WWOX: variants seen among roughly 807,000 people sequenced by gnomAD.
The protein encoded by WWOX is WW domain containing oxidoreductase, also known as WW domain-containing oxidoreductase.
WWOX carries 69 observed loss-of-function variants against 46.2 expected under a neutral mutation model. The ratio of observed to expected loss-of-function variants is 1.49; its 90% confidence interval spans 1.23 to 1.82. The LOEUF (loss-of-function observed/expected upper bound fraction) is 1.82. Among genes scored for constraint, WWOX ranks in the 40% most tolerant of loss-of-function variants. The pLI, the probability that WWOX is intolerant of heterozygous loss-of-function variation, is 0.00. For missense variants in WWOX, 919 were observed against 542.6 expected, an observed-to-expected ratio of 1.69 and a Z score of -6.89; for synonymous variants, 359 against 202.6, an observed-to-expected ratio of 1.77 and a Z score of -6.56.
intron 8 of WWOX, among the ~76,000 whole-genome samples, chr16:78,462,946 C>G (rs2083987294): frequency 6.6e-6 from 1 of 152,218 alleles, no homozygotes; most frequent in Non-Finnish European, 1.5e-5. Context: ...CCTTTTCCCA[C>G]CACCGTGGGA....
At chr16:79,100,021 GTTC>G (rs2049159333) in intron 8 of WWOX, among the ~76,000 whole-genome samples, 1 of 152,172 alleles carries the variant, frequency 6.6e-6, no homozygotes, top group South Asian at 2.1e-4. Flanking sequence ...AAAAGAAACA[GTTC>G]TTCTCTTAAA....
intron 8 of WWOX, among the ~76,000 whole-genome samples, chr16:78,755,963 C>G (rs192879894): frequency 3.1e-3 from 478 of 152,274 alleles, no homozygotes; most frequent in African/African-American, 0.01. Flanking sequence ...TCTGGCAAAT[C>G]AGAGGCCTGT....
chr16:78,633,438 A>G (rs895845253), intron 8 of WWOX, among the ~76,000 whole-genome samples: 2 of 152,102 alleles, frequency 1.3e-5, no homozygotes, highest in African/African-American at 4.8e-5. Flanking sequence ...TGAGCAGGTG[A>G]TACTGCATTT....
chr16:78,654,204 G>A (rs991775754), intron 8 of WWOX, among the ~76,000 whole-genome samples: 3 of 151,422 alleles, frequency 2.0e-5, no homozygotes, highest in South Asian at 2.1e-4. Context: ...CTGGGTGGGC[G>A]ATTTGAATAG....
chr16:78,816,397 A>C lies in WWOX; in HGVS notation c.1056+383645A>C, dbSNP rs113391395. ...TCTTCAGTATTTGTGCTTTTAATAG[A>C]TATTGCAAGTGTGTTTAATGTGAAA... On this transcript the variant is annotated intron_variant, in intron 8 of 8. Coordinates refer to ENST00000566780, the MANE Select transcript of WWOX (RefSeq NM_016373.4). Among the ~76,000 whole-genome samples the C allele has an allele frequency of 6.6e-5, 10 of 151,332 alleles. 1 individual carries two copies. The highest frequency in any genetic ancestry group is 2.4e-4 in the African/African-American group (10 of 41,258).
chr16:79,173,427 C>G (rs936575496), intron 8 of WWOX, among the ~76,000 whole-genome samples: 4 of 152,090 alleles, frequency 2.6e-5, no homozygotes, highest in African/African-American at 9.7e-5. Flanking sequence ...CGTGCATGAC[C>G]CAAGTGAGCA....
At chr16:78,978,543 A>T (rs2046617399) in intron 8 of WWOX, among the ~76,000 whole-genome samples, 1 of 152,194 alleles carries the variant, frequency 6.6e-6, no homozygotes, top group South Asian at 2.1e-4. Flanking sequence ...GAGACTGGGT[A>T]ATGGCTGAAG....
At chr16:78,709,601 C>T (rs150577157) in intron 8 of WWOX, among the ~76,000 whole-genome samples, 3,473 of 152,226 alleles carry the variant, frequency 0.023, 44 homozygotes, top group Middle Eastern at 0.065. Flanking sequence ...TTCAGGTGAG[C>T]GTGCTGTGGG....
intron 8 of WWOX, among the ~76,000 whole-genome samples, chr16:79,188,327 C>T (rs1241035618): frequency 4.6e-5 from 7 of 152,220 alleles, no homozygotes; most frequent in Admixed American, 2.0e-4. Context: ...TTAGACACAG[C>T]TTTGAGTCGT....
intron 8 of WWOX, among the ~76,000 whole-genome samples, chr16:78,661,194 C>T (rs2047202790): frequency 6.6e-6 from 1 of 152,180 alleles, no homozygotes; most frequent in African/African-American, 2.4e-5. Flanking sequence ...AAACCAATTT[C>T]CTCTCTACCA....
chr16:78,797,277 C>T (rs771090608), intron 8 of WWOX, among the ~76,000 whole-genome samples: 1 of 145,248 alleles, frequency 6.9e-6, no homozygotes, highest in African/African-American at 2.6e-5. Context: ...CACCTCTGAC[C>T]CAAATAAGAA....
intron 8 of WWOX, among the ~76,000 whole-genome samples, chr16:78,846,902 T>A (rs1319778349): frequency 6.6e-6 from 1 of 152,240 alleles, no homozygotes; most frequent in African/African-American, 2.4e-5. Flanking sequence ...TCTTCTCCAT[T>A]TATATTGGTA....
At chr16:78,666,913 C>G (rs960722242) in intron 8 of WWOX, among the ~76,000 whole-genome samples, 1 of 152,148 alleles carries the variant, frequency 6.6e-6, no homozygotes, top group African/African-American at 2.4e-5. Context: ...CAGCTTCTCC[C>G]AAGACACTGT....
intron 8 of WWOX, among the ~76,000 whole-genome samples, chr16:78,721,338 C>T (rs1318889600): frequency 1.3e-5 from 2 of 152,150 alleles, no homozygotes; most frequent in Non-Finnish European, 2.9e-5. Context: ...TATCATAATA[C>T]CATTTACATT....
chr16:78,429,806 G>T (rs1338016752), intron 7 of WWOX, among the ~76,000 whole-genome samples: 1 of 152,142 alleles, frequency 6.6e-6, no homozygotes, highest in Non-Finnish European at 1.5e-5. Flanking sequence ...TGTAATGAAA[G>T]AAAAAATAAC....
intron 8 of WWOX, among the ~76,000 whole-genome samples, chr16:78,936,484 C>G (rs564795185): frequency 1.3e-5 from 2 of 152,080 alleles, no homozygotes; most frequent in Admixed American, 6.6e-5. Flanking sequence ...TACATAAGTG[C>G]TTGCTAGCAA....
At chr16:78,702,080 T>G (rs2048233837) in intron 8 of WWOX, among the ~76,000 whole-genome samples, 1 of 107,286 alleles carries the variant, frequency 9.3e-6, no homozygotes, top group Non-Finnish European at 1.7e-5. Context: ...ATATAAAGTT[T>G]TATATTTATA....
chr16:78,969,264 TCTCTC>T (rs1388422515), intron 8 of WWOX, among the ~76,000 whole-genome samples: 7 of 135,268 alleles, frequency 5.2e-5, no homozygotes, highest in African/African-American at 1.0e-4. Context: ...TCTCTCTCTC[TCTCTC>T]TTTTTTTTTT....
chr16:78,435,301 C>G (rs1473819443), intron 8 of WWOX, among the ~76,000 whole-genome samples: 1 of 152,150 alleles, frequency 6.6e-6, no homozygotes, highest in Non-Finnish European at 1.5e-5. Context: ...ATGCCTAACT[C>G]CTTTGCCTAC....
Sources: gnomAD v4.1 joint callset for allele counts (sites outside exome capture counted in the v4.1 genomes callset) on GRCh38, gnomAD v4.1.1 for gene constraint, MANE v1.5 for transcripts, NCBI Gene and HGNC (gene_info 2026-07-23, HGNC 2026-07-21) for gene names.